SSBP3: variants seen among roughly 807,000 people sequenced by gnomAD.
SSBP3 encodes the protein single stranded DNA binding protein 3.
In SSBP3, 5 loss-of-function variants were observed where a neutral mutation model predicts 69.6. The observed-to-expected ratio is 0.07, with a 90% CI of 0.04 to 0.15. The LOEUF (loss-of-function observed/expected upper bound fraction) is 0.15. Ranked by LOEUF, SSBP3 falls within the 10% of genes least tolerant of loss-of-function variation. The pLI, the probability that SSBP3 is intolerant of heterozygous loss-of-function variation, is 1.00. For synonymous variants in SSBP3, 196 were observed against 193.4 expected (o/e 1.01, Z -0.11); for missense variants, 312 against 534.0 (o/e 0.58, Z 4.10).
rs117869827 is a variant in SSBP3, at chr1:54,380,876, T to C, written c.276+20985A>G. ...TGGCTCACACCTGTAATCCTAGCAC[T>C]TTGGGAGGCTGAAGCGGGACAACTG... On this transcript the variant is annotated intron_variant, in intron 4 of 17. Coordinates refer to ENST00000610401, the Ensembl canonical transcript of SSBP3. Among the ~76,000 whole-genome samples the C allele has an allele frequency of 8.4e-4, 128 of 152,090 alleles. 1 individual carries two copies. In the East Asian group the frequency reaches 0.018, roughly 21 times the overall value.
At chr1:54,337,075 G>A (rs1254458278) in intron 4 of SSBP3, among the ~76,000 whole-genome samples, 4 of 152,248 alleles carry the variant, frequency 2.6e-5, no homozygotes, top group African/African-American at 4.8e-5. Flanking sequence ...GTGCGCTGCC[G>A]CAGGTGAGAC....
intron 4 of SSBP3, among the ~76,000 whole-genome samples, chr1:54,399,242 G>A (rs1649119027): frequency 6.6e-6 from 1 of 152,264 alleles, no homozygotes; most frequent in Non-Finnish European, 1.5e-5. Context: ...GAGAAGTTAG[G>A]TGGAATAGTG....
chr1:54,327,595 T>C (rs1221286626), intron 4 of SSBP3, among the ~76,000 whole-genome samples: 4 of 152,210 alleles, frequency 2.6e-5, no homozygotes, highest in Non-Finnish European at 5.9e-5. Context: ...TCTTTTTTAA[T>C]GATTCTGCAG....
chr1:54,384,105 CAA>C (rs34137070), intron 4 of SSBP3, among the ~76,000 whole-genome samples: 46,669 of 93,556 alleles, frequency 0.5, 9,921 homozygotes, highest in African/African-American at 0.67. Context: ...GACTCCATCT[CAA>C]AAAAAAAAAA....
chr1:54,273,887 G>C (rs749044937), intron 5 of SSBP3, among the ~76,000 whole-genome samples: 1 of 152,236 alleles, frequency 6.6e-6, no homozygotes, highest in Non-Finnish European at 1.5e-5. Flanking sequence ...GTGGGGAAGA[G>C]CAGTGGTTCC....
intron 1 of SSBP3, among the ~76,000 whole-genome samples, chr1:54,411,559 C>T (rs12137213): frequency 0.11 from 17,159 of 151,540 alleles, 1,435 homozygotes; most frequent in Admixed American, 0.3. Flanking sequence ...GAGTCCGCGG[C>T]GGGAGGATCA....
chr1:54,368,099 C>T (rs1013792427), intron 4 of SSBP3, among the ~76,000 whole-genome samples: 4 of 152,072 alleles, frequency 2.6e-5, no homozygotes, highest in South Asian at 2.1e-4. Context: ...GTCAGGAGTT[C>T]GAGACCAGCC....
intron 1 of SSBP3, 33 bp from the exon 2 acceptor site, chr1:54,404,963 G>A (rs371930851): frequency 2.6e-4 from 412 of 1,588,604 alleles, no homozygotes; most frequent in Admixed American, 2.7e-4. Flanking sequence ...AGAGAGAGAG[G>A]GAAAGGCGTC....
intron 4 of SSBP3, among the ~76,000 whole-genome samples, chr1:54,287,600 A>ACTGG (rs1645514662): frequency 1.3e-5 from 2 of 152,208 alleles, no homozygotes; most frequent in African/African-American, 4.8e-5. Flanking sequence ...GGATGCTGGC[A>ACTGG]CTGGTTTCAG....
At chr1:54,249,189 C>T (rs1399026319) in intron 9 of SSBP3, among the ~76,000 whole-genome samples, 3 of 152,206 alleles carry the variant, frequency 2.0e-5, no homozygotes, top group Non-Finnish European at 2.9e-5. Context: ...TCTCAAATAG[C>T]CTGACATCTG....
At chr1:54,248,247 T>G (rs1477938491) in intron 9 of SSBP3, among the ~76,000 whole-genome samples, 1 of 152,146 alleles carries the variant, frequency 6.6e-6, no homozygotes, top group Admixed American at 6.5e-5. Context: ...GGTGCTTACT[T>G]TATGCTGAAG....
chr1:54,285,711 G>A (rs1235457837), intron 4 of SSBP3, among the ~76,000 whole-genome samples: 1 of 152,164 alleles, frequency 6.6e-6, no homozygotes. Context: ...TCAGCAAAGC[G>A]TCTCATGAGT....
rs531853558 is a variant in SSBP3, at chr1:54,278,768, G to A, written c.366+2670C>T. Among the ~76,000 whole-genome samples, 8 of 152,372 alleles carry A rather than the reference G, an allele frequency of 5.3e-5. No individual in the cohort carries two copies. The East Asian group carries it at 1.5e-3, about 29-fold the overall frequency. ...CCTGGTGCAAAGCCTTTCTGCAGCA[G>A]AGCTTCCTACCCAGGCCTTGGCCAA... On this transcript the variant is annotated intron_variant, in intron 5 of 17. Coordinates refer to ENST00000610401, the Ensembl canonical transcript of SSBP3.
intron 14 of SSBP3, among the ~76,000 whole-genome samples, chr1:54,232,866 G>A (rs947160878): frequency 6.6e-6 from 1 of 152,240 alleles, no homozygotes; most frequent in African/African-American, 2.4e-5. Context: ...TGCAGACGGA[G>A]TCTCGTTCAC....
At chr1:54,260,535 T>C (rs1300679131) in intron 5 of SSBP3, among the ~76,000 whole-genome samples, 1 of 152,256 alleles carries the variant, frequency 6.6e-6, no homozygotes, top group East Asian at 1.9e-4. Flanking sequence ...AACCGGGGTC[T>C]GCTGAGATCC....
intron 5 of SSBP3, among the ~76,000 whole-genome samples, chr1:54,262,331 G>A (rs1176272010): frequency 6.6e-6 from 1 of 152,194 alleles, no homozygotes; most frequent in Non-Finnish European, 1.5e-5. Context: ...AGGCCTCGAT[G>A]TCTGATTCTA....
intron 7 of SSBP3, among the ~76,000 whole-genome samples, chr1:54,256,598 G>A (rs1012946485): frequency 1.6e-4 from 25 of 152,146 alleles, no homozygotes; most frequent in African/African-American, 5.3e-4. Context: ...GGTCTGGGAA[G>A]CAGGCAGACA....
intron 5 of SSBP3, among the ~76,000 whole-genome samples, chr1:54,260,633 G>C (rs780452103): frequency 6.6e-6 from 1 of 152,230 alleles, no homozygotes; most frequent in Non-Finnish European, 1.5e-5. Flanking sequence ...TGGATAAGCA[G>C]AGGTGGCACA....
chr1:54,246,777 C>T (rs1360325998), intron 9 of SSBP3, among the ~76,000 whole-genome samples: 1 of 152,226 alleles, frequency 6.6e-6, no homozygotes, highest in Non-Finnish European at 1.5e-5. Flanking sequence ...AGAGACATGC[C>T]CAAGGCCACA....
Sources: gnomAD v4.1 joint callset for allele counts (sites outside exome capture counted in the v4.1 genomes callset) on GRCh38, gnomAD v4.1.1 for gene constraint, MANE v1.5 for transcripts, NCBI Gene and HGNC (gene_info 2026-07-23, HGNC 2026-07-21) for gene names.